The following ARHGAP20 variants were observed in gnomAD, a reference collection of about 807,000 sequenced individuals.
ARHGAP20 encodes rho GTPase-activating protein 20.
In ARHGAP20, 34 loss-of-function variants were observed where a neutral mutation model predicts 73.7. That is an observed-to-expected ratio of 0.46 (90% CI 0.35 to 0.61). The LOEUF is 0.61. Among genes scored for constraint, ARHGAP20 ranks in the 20% least tolerant of loss-of-function variants. The pLI, the probability that ARHGAP20 is intolerant of heterozygous loss-of-function variation, is 0.00. For missense variants in ARHGAP20, 1,314 were observed against 1,420.9 expected, an observed-to-expected ratio of 0.92 and a Z score of 1.21; for synonymous variants, 523 against 518.2, an observed-to-expected ratio of 1.01 and a Z score of -0.13.
chr11:110,703,453 C>CTA (rs140355518), intron 1 of ARHGAP20, among the ~76,000 whole-genome samples: 54 of 150,522 alleles, frequency 3.6e-4, no homozygotes, highest in South Asian at 1.0e-3. Flanking sequence ...GCCCTACTCA[C>CTA]TATATATATA....
chr11:110,585,912 G>A (rs1947652469), intron 12 of ARHGAP20, among the ~76,000 whole-genome samples: 1 of 152,126 alleles, frequency 6.6e-6, no homozygotes, highest in Non-Finnish European at 1.5e-5. Flanking sequence ...AATATATGAT[G>A]AGTTGTCTGG....
chr11:110,641,311 C>A (rs1460739283), intron 2 of ARHGAP20, among the ~76,000 whole-genome samples: 1 of 151,998 alleles, frequency 6.6e-6, no homozygotes, highest in African/African-American at 2.4e-5. Context: ...GATCCATACA[C>A]AAAGTTATTA....
chr11:110,634,578 G>A (rs1948924240), intron 2 of ARHGAP20, among the ~76,000 whole-genome samples: 1 of 152,146 alleles, frequency 6.6e-6, no homozygotes, highest in South Asian at 2.1e-4. Flanking sequence ...AGGATTTAAT[G>A]ACTTGGGTGG....
intron 2 of ARHGAP20, among the ~76,000 whole-genome samples, chr11:110,665,779 G>A (rs1949711891): frequency 6.6e-6 from 1 of 152,140 alleles, no homozygotes. Context: ...ATAGCCACTA[G>A]GAAAAAGCAG....
At chr11:110,665,482 T>G (rs1441771200) in intron 2 of ARHGAP20, among the ~76,000 whole-genome samples, 1 of 151,958 alleles carries the variant, frequency 6.6e-6, no homozygotes, top group East Asian at 1.9e-4. Context: ...CAATGATTCC[T>G]AAGAAAAGAG....
intron 1 of ARHGAP20, among the ~76,000 whole-genome samples, chr11:110,711,067 G>A (rs1165585632): frequency 1.3e-5 from 2 of 151,284 alleles, no homozygotes; most frequent in Non-Finnish European, 2.9e-5. Flanking sequence ...GTGGGGAGGC[G>A]GGGGACAGGC....
intron 3 of ARHGAP20, among the ~76,000 whole-genome samples, 161 bp downstream of exon 3, chr11:110,630,467 C>A (rs1341890908): frequency 3.4e-5 from 5 of 146,908 alleles, no homozygotes; most frequent in Non-Finnish European, 7.6e-5. Flanking sequence ...AAAAAATGAA[C>A]AATCGATTTT....
At chr11:110,697,678 G>A (rs1483037986) in intron 1 of ARHGAP20, among the ~76,000 whole-genome samples, 1 of 151,748 alleles carries the variant, frequency 6.6e-6, no homozygotes, top group African/African-American at 2.4e-5. Flanking sequence ...TATTGAATAG[G>A]ATGTCCTTTC....
intron 2 of ARHGAP20, among the ~76,000 whole-genome samples, chr11:110,688,219 A>G (rs941690894): frequency 3.2e-4 from 49 of 152,190 alleles, no homozygotes; most frequent in African/African-American, 1.2e-3. Flanking sequence ...ATCACTGACC[A>G]AACATAAATG....
rs1947329996 is a variant in ARHGAP20, at chr11:110,577,875, C to T, written c.*1495G>A. 2.0e-6 allele frequency: 2 copies of T among 985,038 alleles called. No homozygotes were observed. Among genetic ancestry groups the T allele is most frequent in the Admixed American group, 6.2e-5 (1 of 16,250 alleles). The allele number at this position is 985,038 out of a possible 1,614,324, so 61.0% of individuals were successfully genotyped here. A position where few individuals can be genotyped will look rare whatever the true frequency, so the allele number is the denominator to read the frequency against. On this transcript the variant is annotated 3_prime_UTR_variant, in exon 15 of 15. Coordinates refer to ENST00000683387, the MANE Select transcript of ARHGAP20 (RefSeq NM_001384657.1). ...ATAACTGAAAATGCAACCTTTAGAA[C>T]AAAAAAGAAAGAACATTTGATATGA...
rs1009621014 is a variant in ARHGAP20, at chr11:110,701,160, G to T, written c.106-10531C>A. ...TCTAGTTCTAGATCCCTGAGGAATC[G>T]CCACACTGACTTCCACAATGGTTGA... On this transcript the variant is annotated intron_variant, in intron 1 of 14. Coordinates refer to ENST00000683387, the MANE Select transcript of ARHGAP20 (RefSeq NM_001384657.1). Among the ~76,000 whole-genome samples the T allele has an allele frequency of 1.9e-4, 29 of 151,670 alleles. 1 individual carries two copies. The highest frequency in any genetic ancestry group is 5.8e-4 in the African/African-American group (24 of 41,034).
intron 11 of ARHGAP20, chr11:110,589,337 T>C (rs1487359483): frequency 3.2e-6 from 3 of 947,574 alleles, no homozygotes; most frequent in African/African-American, 1.8e-5. Flanking sequence ...CAAAAATTTA[T>C]AGCAGGGTTT....
chr11:110,674,540 A>G (rs1315075497), intron 2 of ARHGAP20, among the ~76,000 whole-genome samples: 1 of 152,224 alleles, frequency 6.6e-6, no homozygotes, highest in Non-Finnish European at 1.5e-5. Flanking sequence ...ATTATTTAAA[A>G]TATTATATAA....
chr11:110,629,548 T>TA (rs1948817577), intron 3 of ARHGAP20, among the ~76,000 whole-genome samples: 1 of 139,402 alleles, frequency 7.2e-6, no homozygotes, highest in Non-Finnish European at 1.6e-5. Flanking sequence ...TTTATTCCTA[T>TA]AATACCATAT....
At chr11:110,601,260 T>C (rs1452588102) in intron 9 of ARHGAP20, among the ~76,000 whole-genome samples, 1 of 152,240 alleles carries the variant, frequency 6.6e-6, no homozygotes, top group Non-Finnish European at 1.5e-5. Context: ...TAGCACTTGG[T>C]AAATAAGGCA....
chr11:110,679,080 G>A (rs1949988307), intron 2 of ARHGAP20, among the ~76,000 whole-genome samples: 1 of 152,170 alleles, frequency 6.6e-6, no homozygotes, highest in Non-Finnish European at 1.5e-5. Context: ...AGGGCTGGCT[G>A]CAATCTCTGA....
intron 2 of ARHGAP20, among the ~76,000 whole-genome samples, chr11:110,664,490 A>G (rs1204017368): frequency 1.3e-5 from 2 of 152,194 alleles, no homozygotes; most frequent in Non-Finnish European, 2.9e-5. Context: ...GCACTTTGGG[A>G]GGCTAAGGCA....
chr11:110,656,331 C>A (rs1156338819), intron 2 of ARHGAP20, among the ~76,000 whole-genome samples: 2 of 152,142 alleles, frequency 1.3e-5, no homozygotes, highest in Admixed American at 6.5e-5. Flanking sequence ...TGCCCCTCCT[C>A]AATCCTGTGG....
chr11:110,589,194 T>A (rs1005062650), intron 11 of ARHGAP20, among the ~76,000 whole-genome samples: 2 of 152,244 alleles, frequency 1.3e-5, no homozygotes, highest in Non-Finnish European at 2.9e-5. Context: ...TATTTTTACA[T>A]ATGCATATTT....
Sources: allele counts gnomAD v4.1 joint callset (sites outside exome capture counted in the v4.1 genomes callset), GRCh38; gene constraint gnomAD v4.1.1; transcripts MANE v1.5; gene names NCBI Gene and HGNC (gene_info 2026-07-23, HGNC 2026-07-21).